LYVE1: variants seen among roughly 807,000 people sequenced by gnomAD.
The protein encoded by LYVE1 is lymphatic vessel endothelial hyaluronic acid receptor 1.
A neutral mutation model predicts 31.5 loss-of-function variants in LYVE1; 29 were observed. That is an observed-to-expected ratio of 0.92 (90% CI 0.69 to 1.26). LYVE1 has a LOEUF of 1.26. Among genes scored for constraint, LYVE1 ranks in the 50% most tolerant of loss-of-function variants. The pLI, the probability that LYVE1 is intolerant of heterozygous loss-of-function variation, is 0.00. For synonymous variants in LYVE1, 134 were observed against 139.4 expected (o/e 0.96, Z 0.27); for missense variants, 376 against 380.2 (o/e 0.99, Z 0.09).
At chr11:10,563,376 A>G (rs1323811432) in intron 3 of LYVE1, among the ~76,000 whole-genome samples, 1 of 152,262 alleles carries the variant, frequency 6.6e-6, no homozygotes, top group African/African-American at 2.4e-5. Context: ...AAAAATAACA[A>G]TACAACAATA....
Position 10,559,023 on chromosome 11 carries a change from C to T in LYVE1, c.*88G>A. On this transcript the variant is annotated 3_prime_UTR_variant, in exon 6 of 6. Coordinates refer to ENST00000256178, the MANE Select transcript of LYVE1 (RefSeq NM_006691.4). The stretch of plus-strand genomic sequence containing the variant: ...CAAGGGTGGACTTTCTTCTTTGGTT[C>T]TTTGGCCCTTTTGATTTCCCCAGCT... 1 of 1,269,904 alleles carries T rather than the reference C, an allele frequency of 7.9e-7. No homozygotes were observed. The highest frequency in any genetic ancestry group is 2.3e-5 in the East Asian group (1 of 43,298). 78.7% of individuals were successfully genotyped at this position (1,269,904 alleles called of 1,614,324 possible). A position where few individuals can be genotyped will look rare whatever the true frequency, so the allele number is the denominator to read the frequency against.
chr11:10,563,831 C>T (rs1228409014), intron 3 of LYVE1, 109 bp downstream of exon 3: 22 of 1,370,122 alleles, frequency 1.6e-5, no homozygotes, highest in Admixed American at 5.3e-5. Context: ...ATTAGATGGC[C>T]GTGGCTGTGA....
chr11:10,568,563 C>G lies in LYVE1; in HGVS notation c.-31G>C. The G allele has an allele frequency of 1.2e-6, 2 of 1,606,104 alleles. No homozygotes were observed. Among genetic ancestry groups the G allele is most frequent in the Non-Finnish European group, 1.7e-6 (2 of 1,176,088 alleles). ...CTACCCCTTCAGAGCCAGGGAAACA[C>G]CTCAGATGGCCACTGGTGATATGAG... On this transcript the variant is annotated 5_prime_UTR_variant, in exon 1 of 6. Coordinates refer to ENST00000256178, the MANE Select transcript of LYVE1 (RefSeq NM_006691.4).
intron 3 of LYVE1, 54 bp downstream of exon 3, chr11:10,563,886 A>G: frequency 6.2e-7 from 1 of 1,605,586 alleles, no homozygotes; most frequent in Non-Finnish European, 8.5e-7. Context: ...GACAGGTCTC[A>G]GAGTGAGAGA....
intron 4 of LYVE1, 65 bp from the exon 5 acceptor site, chr11:10,559,959 A>G (rs1850386935): frequency 8.5e-7 from 1 of 1,174,900 alleles, no homozygotes; most frequent in East Asian, 2.3e-5. Context: ...TGCTCATTGC[A>G]TGATCCAGGT....
At chr11:10,566,090 G>T (rs573337293) in intron 1 of LYVE1, among the ~76,000 whole-genome samples, 1 of 149,160 alleles carries the variant, frequency 6.7e-6, no homozygotes, top group African/African-American at 2.5e-5. Flanking sequence ...GATTACAGGC[G>T]TGAGCCACTG....
In LYVE1 at chr11:10,564,305, A is replaced by G; in HGVS notation, c.155T>C (p.Leu52Pro). 6.2e-7 allele frequency: 1 copy of G among 1,614,190 alleles called. No individual in the cohort carries two copies. The highest frequency in any genetic ancestry group is 8.5e-7 in the Non-Finnish European group (1 of 1,180,016). ...GGCCTCCTTAGCTTCTGTGAAATTCAGCTGCTGGTTCGCCTTTTTGCTCAC... is the reference window on the plus strand; with the variant it reads ...GGCCTCCTTAGCTTCTGTGAAATTCGGCTGCTGGTTCGCCTTTTTGCTCAC... The part of the protein sequence containing the change: ...TLVSKKANQQ[L>P]NFTEAKEACR... Residue 52 changes from leucine to proline, a missense_variant, in exon 2 of 6, where the codon CTG (leucine) becomes CCG (proline). Coordinates refer to ENST00000256178, the MANE Select transcript of LYVE1 (RefSeq NM_006691.4).
chr11:10,566,567 G>A (rs1850547653), intron 1 of LYVE1, among the ~76,000 whole-genome samples: 1 of 152,074 alleles, frequency 6.6e-6, no homozygotes, highest in African/African-American at 2.4e-5. Flanking sequence ...CTATTGCTCA[G>A]GTCTCTTATA....
At position 10,568,546 on chromosome 11, in the gene LYVE1, TC is replaced by T; in HGVS notation, c.-15del. The T allele has an allele frequency of 1.2e-6, 2 of 1,611,378 alleles. No individual in the cohort carries two copies. Among genetic ancestry groups the T allele is most frequent in the Non-Finnish European group, 1.7e-6 (2 of 1,178,692 alleles). Reference sequence around the variant, plus strand: ...GCACCTGGCCATCGTGCCTACCCCTTCAGAGCCAGGGAAACACCTCAGATGG... The same window carrying T: ...GCACCTGGCCATCGTGCCTACCCCTTAGAGCCAGGGAAACACCTCAGATGG... On this transcript the variant is annotated 5_prime_UTR_variant, in exon 1 of 6. Coordinates refer to ENST00000256178, the MANE Select transcript of LYVE1 (RefSeq NM_006691.4).
chr11:10,558,935 G>T lies in LYVE1; in HGVS notation c.*176C>A. On this transcript the variant is annotated 3_prime_UTR_variant, in exon 6 of 6. Transcript: ENST00000256178. ...CCAGACAGGGTTACAATAAGGAGAA[G>T]GGCATTCTCTTTGGTGCACTCCATA... The T allele has an allele frequency of 1.7e-6, 1 of 593,634 alleles. No individual in the cohort carries two copies. Among genetic ancestry groups the T allele is most frequent in the Admixed American group, 3.0e-5 (1 of 33,452 alleles). The allele number at this position is 593,634 out of a possible 1,614,324, so 36.8% of individuals were successfully genotyped here.
At chr11:10,559,692 G>C (rs1355888137) in intron 5 of LYVE1, 124 bp downstream of exon 5, 2 of 754,610 alleles carry the variant, frequency 2.7e-6, no homozygotes, top group Admixed American at 2.7e-5. Context: ...AGATGAGGGA[G>C]AAATTTATAT....
In LYVE1 at chr11:10,560,361, T is replaced by G; in HGVS notation, c.703+134A>C. 5 of 730,536 alleles carry G rather than the reference T, an allele frequency of 6.8e-6. No individual in the cohort carries two copies. In the South Asian group the frequency reaches 1.2e-4, roughly 17 times the overall value. The allele number at this position is 730,536 out of a possible 1,614,324, so 45.3% of individuals were successfully genotyped here. Reference sequence around the variant, plus strand: ...CTCAGATTCTATGACTTCATGAAAGTTGAGTTTGTGTTAAGCTTTTATTAG... The same window carrying G: ...CTCAGATTCTATGACTTCATGAAAGGTGAGTTTGTGTTAAGCTTTTATTAG... On this transcript the variant is annotated intron_variant, in intron 4 of 5. Transcript: ENST00000256178.
At chr11:10,568,149 T>C (rs7101571) in intron 1 of LYVE1, among the ~76,000 whole-genome samples, 4,086 of 152,294 alleles carry the variant, frequency 0.027, 75 homozygotes, top group African/African-American at 0.057. Context: ...AAAATTTAAA[T>C]ACCACCCATA....
chr11:10,560,474 A>G (rs1032771864), intron 4 of LYVE1, 21 bp downstream of exon 4: 10 of 1,574,654 alleles, frequency 6.4e-6, no homozygotes, highest in Non-Finnish European at 7.8e-6. Context: ...CACACGTAAC[A>G]TAGACACAGA....
At position 10,559,832 on chromosome 11, in the gene LYVE1, A is replaced by G; in HGVS notation, c.766T>C (p.Phe256Leu). The G allele has an allele frequency of 6.2e-7, 1 of 1,614,016 alleles. No individual in the cohort carries two copies. Among genetic ancestry groups the G allele is most frequent in the Non-Finnish European group, 8.5e-7 (1 of 1,179,912 alleles). The change falls in exon 5 of 6, where the codon TTT becomes CTT. Residue 256 changes from phenylalanine to leucine, a missense_variant. Phe to Leu is a conservative substitution (Grantham distance 22, BLOSUM62 0). Transcript: ENST00000256178. The part of the protein sequence containing the change: ...LFFGAAAGLG[F>L]CYVKRYVKAF... ...CAACCCTACCTTTTGACATAGCAAA[A>G]TCCAAGACCAGCTGCAGCACCAAAG... is the stretch of plus-strand genomic sequence containing the variant.
At chr11:10,559,440 T>G in intron 5 of LYVE1, 143 bp from the exon 6 acceptor site, 1 of 634,062 alleles carries the variant, frequency 1.6e-6, no homozygotes, top group Non-Finnish European at 2.7e-6. Context: ...TCTAATACAT[T>G]AAGACATCAC....
chr11:10,566,163 G>A (rs1761557643), intron 1 of LYVE1, among the ~76,000 whole-genome samples: 1 of 151,484 alleles, frequency 6.6e-6, no homozygotes, highest in African/African-American at 2.4e-5. Context: ...AGGCTGCAGT[G>A]CAGTGGCGTG....
At chr11:10,561,932 C>T (rs1335034151) in intron 3 of LYVE1, among the ~76,000 whole-genome samples, 1 of 151,952 alleles carries the variant, frequency 6.6e-6, no homozygotes, top group Non-Finnish European at 1.5e-5. Context: ...AACAAACCTG[C>T]ACATTTTGCA....
rs1006591910 is a variant in LYVE1, at chr11:10,559,825, T to C, written c.773A>G (p.Tyr258Cys). 2 of 1,613,864 alleles carry C rather than the reference T, an allele frequency of 1.2e-6. No homozygotes were observed. The highest frequency in any genetic ancestry group is 2.2e-5 in the East Asian group (1 of 44,884). The part of the protein sequence containing the change: ...FGAAAGLGFC[Y>C]VKRYVKAFPF... ...GCACCAACAACCCTACCTTTTGACA[T>C]AGCAAAATCCAAGACCAGCTGCAGC... Residue 258 changes from tyrosine (Y) to cysteine (C), a missense_variant, in exon 5 of 6, where the codon TAT becomes TGT. Transcript: ENST00000256178.
Sources: allele counts gnomAD v4.1 joint callset (sites outside exome capture counted in the v4.1 genomes callset), GRCh38; gene constraint gnomAD v4.1.1; transcripts MANE v1.5; gene names NCBI Gene and HGNC (gene_info 2026-07-23, HGNC 2026-07-21).